The following FMN1 variants were observed in gnomAD, a reference collection of about 807,000 sequenced individuals.
FMN1 encodes the protein formin-1.
In FMN1, 110 loss-of-function variants were observed where a neutral mutation model predicts 132.4. That is an observed-to-expected ratio of 0.83 (90% confidence interval 0.71 to 0.97). The LOEUF is 0.97. Among genes scored for constraint, FMN1 ranks in the 50% least tolerant of loss-of-function variants. FMN1 has a pLI of 0.00. For missense variants in FMN1, 1,792 were observed against 1,705.3 expected (o/e 1.05, Z -0.90); for synonymous variants, 722 against 651.7 (o/e 1.11, Z -1.64).
intron 9 of FMN1, among the ~76,000 whole-genome samples, chr15:32,950,422 A>G (rs932710837): frequency 2.6e-4 from 39 of 152,104 alleles, no homozygotes; most frequent in African/African-American, 9.2e-4. Flanking sequence ...AATAGCAAAG[A>G]CATGGAATCA....
At chr15:32,919,508 A>C (rs1166335180) in intron 10 of FMN1, among the ~76,000 whole-genome samples, 2 of 152,226 alleles carry the variant, frequency 1.3e-5, no homozygotes, top group Non-Finnish European at 2.9e-5. Context: ...GCTCATAAGA[A>C]CCCAAAGCCA....
chr15:32,871,487 T>C (rs1429531578), intron 16 of FMN1, among the ~76,000 whole-genome samples: 1 of 152,224 alleles, frequency 6.6e-6, no homozygotes, highest in Non-Finnish European at 1.5e-5. Context: ...AGGCATGCCA[T>C]AGCTCACTTA....
intron 17 of FMN1, among the ~76,000 whole-genome samples, chr15:32,827,859 A>AT (rs1304771447): frequency 4.0e-5 from 6 of 151,738 alleles, no homozygotes; most frequent in Non-Finnish European, 7.4e-5. Context: ...AAAAAAAAAA[A>AT]GGACATACAG....
intron 4 of FMN1, among the ~76,000 whole-genome samples, chr15:33,119,464 G>C (rs1306955744): frequency 2.0e-5 from 3 of 152,332 alleles, no homozygotes; most frequent in East Asian, 3.9e-4. Flanking sequence ...AACTGCTACA[G>C]TGCCACCCAG....
In FMN1 at chr15:33,154,085, C is replaced by T. The variant is rs1224615558; in HGVS notation, c.830G>A (p.Gly277Glu). Residue 277 changes from glycine to glutamate, a missense_variant, in exon 4 of 21, where the codon GGA becomes GAA. Coordinates refer to ENST00000616417, the MANE Select transcript of FMN1 (RefSeq NM_001277313.2). ...LPPDCSSTEA[G>E]GDGIRRPPSG... ...CGGCGGCCTCCGAATGCCATCCCCT[C>T]CTGCCTCTGTGGAGCTGCAGTCAGG... 9.1e-6 allele frequency: 14 copies of T among 1,536,036 alleles called. No homozygotes were observed. The South Asian group carries it at 1.7e-4, about 18-fold the overall frequency.
intron 9 of FMN1, among the ~76,000 whole-genome samples, chr15:32,954,280 C>G (rs2061715747): frequency 1.3e-5 from 2 of 152,192 alleles, no homozygotes; most frequent in Admixed American, 1.3e-4. Flanking sequence ...CCCCATGTAC[C>G]TATGGCTCAT....
chr15:32,988,131 T>G (rs1016835461), intron 7 of FMN1, among the ~76,000 whole-genome samples: 1 of 149,278 alleles, frequency 6.7e-6, no homozygotes. Flanking sequence ...TGGACTCCAA[T>G]GTTTGATTCT....
At chr15:32,988,538 T>C (rs954898871) in intron 7 of FMN1, among the ~76,000 whole-genome samples, 10 of 152,310 alleles carry the variant, frequency 6.6e-5, no homozygotes, top group African/African-American at 1.7e-4. Flanking sequence ...ACTTAGACTG[T>C]AGTCAACACT....
intron 4 of FMN1, among the ~76,000 whole-genome samples, chr15:33,129,997 G>C (rs1162783521): frequency 6.6e-6 from 1 of 152,078 alleles, no homozygotes; most frequent in African/African-American, 2.4e-5. Context: ...GTTTCACCAT[G>C]TTGGCCAGGA....
rs2056032130 is a variant in FMN1, at chr15:32,765,941, TTAAA to T, written c.*8365_*8368del. On this transcript the variant is annotated 3_prime_UTR_variant, in exon 21 of 21. Transcript: ENST00000616417. ...TGAGCATTTCTCAGCTTTGACAAAA[TTAAA>T]TATGCAAACAAATTAGAAATACGTA... The T allele has an allele frequency of 6.9e-6, 1 of 144,564 alleles. No homozygotes were observed. Among genetic ancestry groups the T allele is most frequent in the Admixed American group, 6.9e-5 (1 of 14,584 alleles). The allele number at this position is 144,564 out of a possible 1,614,324, so 9.0% of individuals were successfully genotyped here.
At chr15:33,184,509 T>C (rs893499433) in intron 2 of FMN1, among the ~76,000 whole-genome samples, 3 of 151,560 alleles carry the variant, frequency 2.0e-5, no homozygotes, top group Admixed American at 6.6e-5. Context: ...TTTCTTTTTT[T>C]TTTTTCCCTG....
At chr15:33,048,063 C>T (rs343912) in intron 6 of FMN1, among the ~76,000 whole-genome samples, 108,187 of 152,058 alleles carry the variant, frequency 0.71, 38,962 homozygotes, top group Non-Finnish European at 0.76. Flanking sequence ...CCTTTTAGTT[C>T]CTGTAGCTTT....
At chr15:33,159,041 G>A (rs975118902) in intron 3 of FMN1, among the ~76,000 whole-genome samples, 1 of 152,122 alleles carries the variant, frequency 6.6e-6, no homozygotes, top group Non-Finnish European at 1.5e-5. Flanking sequence ...AATTAGACAG[G>A]CATGGTGGCA....
chr15:32,846,759 C>T (rs1362056612), intron 17 of FMN1, among the ~76,000 whole-genome samples: 4 of 152,156 alleles, frequency 2.6e-5, no homozygotes, highest in South Asian at 4.1e-4. Flanking sequence ...TGCATGCACA[C>T]GTATGTTTAT....
intron 4 of FMN1, among the ~76,000 whole-genome samples, chr15:33,098,862 G>T (rs906710417): frequency 1.3e-5 from 2 of 152,080 alleles, no homozygotes; most frequent in African/African-American, 4.8e-5. Context: ...CAGGCCTAAG[G>T]TTGGTAAGGG....
At chr15:32,995,679 TGA>T (rs2033723740) in intron 7 of FMN1, among the ~76,000 whole-genome samples, 1 of 152,206 alleles carries the variant, frequency 6.6e-6, no homozygotes, top group Non-Finnish European at 1.5e-5. Context: ...TTACCAATCA[TGA>T]GAGAGATAAA....
intron 10 of FMN1, among the ~76,000 whole-genome samples, chr15:32,925,940 A>G (rs1008124232): frequency 6.6e-6 from 1 of 152,170 alleles, no homozygotes; most frequent in African/African-American, 2.4e-5. Context: ...TAGCAATAGT[A>G]CTAACATTTT....
Position 33,128,625 on chromosome 15 carries a change from T to C in FMN1, c.1867+24423A>G, listed in dbSNP as rs960879047. On this transcript the variant is annotated intron_variant, in intron 4 of 20. Coordinates refer to ENST00000616417, the MANE Select transcript of FMN1 (RefSeq NM_001277313.2). ...CATACCCGCGGACCTTTGCGGCAAG[T>C]GTTACAGCTCTTAAAGACGGTGCGT... 2.0e-5 allele frequency among the ~76,000 whole-genome samples: 3 copies of C among 152,224 alleles called. 1 individual carries two copies. The highest frequency in any genetic ancestry group is 4.1e-4 in the South Asian group (2 of 4,836).
At chr15:33,137,409 C>A (rs1321504790) in intron 4 of FMN1, among the ~76,000 whole-genome samples, 2 of 152,102 alleles carry the variant, frequency 1.3e-5, no homozygotes, top group Non-Finnish European at 2.9e-5. Context: ...CCTCTGCCTA[C>A]CTTGAATGAG....
Sources: allele counts gnomAD v4.1 joint callset (sites outside exome capture counted in the v4.1 genomes callset), GRCh38; gene constraint gnomAD v4.1.1; transcripts MANE v1.5; gene names NCBI Gene and HGNC (gene_info 2026-07-23, HGNC 2026-07-21).